NHS: variants seen among roughly 807,000 people sequenced by gnomAD.
NHS encodes actin remodeling regulator NHS.
Under a neutral mutation model 72.5 loss-of-function variants are expected in NHS, and 5 were observed. The ratio of observed to expected loss-of-function variants is 0.07; its 90% CI spans 0.04 to 0.14. The LOEUF is 0.14. NHS is among the 10% of genes least tolerant of loss of function. The probability of loss-of-function intolerance (pLI) is 1.00; values close to 1 mark genes in which losing one functional copy is unlikely to be tolerated. For missense variants in NHS, 1,072 were observed against 1,355.7 expected, an observed-to-expected ratio of 0.79 and a Z score of 3.29; for synonymous variants, 464 against 547.7, an observed-to-expected ratio of 0.85 and a Z score of 2.13.
chrX:17,696,422 T>C (rs776781764), intron 3 of NHS, among the ~76,000 whole-genome samples: 2 of 112,096 alleles, frequency 1.8e-5, no homozygotes, highest in Non-Finnish European at 3.8e-5. Flanking sequence ...CTGGGTAATT[T>C]TTCTACCTTG....
intron 1 of NHS, among the ~76,000 whole-genome samples, chrX:17,641,805 T>G (rs2065882497): frequency 9.1e-6 from 1 of 109,500 alleles, no homozygotes; most frequent in Admixed American, 9.6e-5. Flanking sequence ...TCAAAATGAT[T>G]GGAGAAAGAA....
intron 1 of NHS, among the ~76,000 whole-genome samples, chrX:17,444,287 C>A (rs1156641966): frequency 8.9e-6 from 1 of 111,821 alleles, no homozygotes; most frequent in African/African-American, 3.3e-5. Context: ...GTGGTCCATA[C>A]CCTTACTAGG....
intron 1 of NHS, among the ~76,000 whole-genome samples, chrX:17,405,172 G>T (rs2064523644): frequency 8.9e-6 from 1 of 112,088 alleles, no homozygotes; most frequent in African/African-American, 3.2e-5. Flanking sequence ...GATGGAAGAA[G>T]AGGGAATGGA....
intron 1 of NHS, among the ~76,000 whole-genome samples, chrX:17,517,529 C>T (rs1351822885): frequency 8.9e-6 from 1 of 112,023 alleles, no homozygotes; most frequent in Non-Finnish European, 1.9e-5. Context: ...CATTGTGTGC[C>T]TCCTATTCCT....
At chrX:17,546,346 G>A (rs780583004) in intron 1 of NHS, among the ~76,000 whole-genome samples, 1 of 112,379 alleles carries the variant, frequency 8.9e-6, no homozygotes, top group East Asian at 2.8e-4. Flanking sequence ...GAAATGAGGT[G>A]TGCAGAGTCC....
At chrX:17,661,765 G>A (rs2065983702) in intron 1 of NHS, among the ~76,000 whole-genome samples, 2 of 112,131 alleles carry the variant, frequency 1.8e-5, no homozygotes, top group East Asian at 2.8e-4. Flanking sequence ...GCTAGGCGCG[G>A]TGGCTGACAG....
intron 1 of NHS, among the ~76,000 whole-genome samples, chrX:17,613,866 T>C (rs759289311): frequency 8.6e-4 from 96 of 112,249 alleles, no homozygotes; most frequent in African/African-American, 2.9e-3. Context: ...GTGGTTCTAT[T>C]GAGGATGACA....
chrX:17,557,235 T>G (rs2065382469), intron 1 of NHS: 2 of 102,179 alleles, frequency 2.0e-5, no homozygotes, highest in South Asian at 1.0e-3. Flanking sequence ...TCAAATACCC[T>G]CCAAGAGCCA....
intron 1 of NHS, among the ~76,000 whole-genome samples, chrX:17,433,292 G>A (rs1262963971): frequency 3.0e-5 from 3 of 99,769 alleles, no homozygotes; most frequent in Non-Finnish European, 4.0e-5. Context: ...ATTGTGATCT[G>A]CCCACCTCGG....
chrX:17,681,436 C>G (rs2066128192), intron 1 of NHS, among the ~76,000 whole-genome samples: 1 of 111,797 alleles, frequency 8.9e-6, no homozygotes, highest in African/African-American at 3.3e-5. Context: ...ATCCATCTTT[C>G]CATCCAAGAG....
At chrX:17,710,335 A>T (rs2066322569) in intron 3 of NHS, among the ~76,000 whole-genome samples, 1 of 112,763 alleles carries the variant, frequency 8.9e-6, no homozygotes. Context: ...AACTGTCAAT[A>T]AAAGTACTTG....
At chrX:17,600,927 T>G (rs2065646719) in intron 1 of NHS, among the ~76,000 whole-genome samples, 1 of 111,911 alleles carries the variant, frequency 8.9e-6, no homozygotes, top group African/African-American at 3.3e-5. Context: ...GCCAGTCATA[T>G]AATAATAAAT....
At chrX:17,648,514 C>G (rs988894142) in intron 1 of NHS, among the ~76,000 whole-genome samples, 1 of 112,580 alleles carries the variant, frequency 8.9e-6, no homozygotes. Context: ...CTGGGAAGAG[C>G]TGAAAAGCAC....
intron 1 of NHS, among the ~76,000 whole-genome samples, chrX:17,409,663 G>A (rs759475684): frequency 9.0e-5 from 10 of 111,731 alleles, no homozygotes; most frequent in African/African-American, 2.9e-4. Flanking sequence ...ATTCTGACAC[G>A]TGTCACAAAG....
At chrX:17,608,685 T>G (rs6654020) in intron 1 of NHS, among the ~76,000 whole-genome samples, 14,681 of 109,343 alleles carry the variant, frequency 0.13, 2,188 homozygotes, top group African/African-American at 0.44. Context: ...TTTTTTTTTT[T>G]GGGGGGATAT....
intron 1 of NHS, among the ~76,000 whole-genome samples, chrX:17,545,632 T>C (rs941574433): frequency 1.8e-5 from 2 of 111,862 alleles, no homozygotes; most frequent in African/African-American, 6.5e-5. Context: ...ATTTTTGGAG[T>C]GTCTGCTGTC....
intron 3 of NHS, among the ~76,000 whole-genome samples, chrX:17,695,950 G>C (rs867902062): frequency 9.3e-6 from 1 of 107,641 alleles, no homozygotes; most frequent in Non-Finnish European, 1.9e-5. Flanking sequence ...AAAGGGGGGG[G>C]GTATCTATTC....
intron 1 of NHS, among the ~76,000 whole-genome samples, chrX:17,642,475 G>T (rs982409983): frequency 9.0e-6 from 1 of 111,677 alleles, no homozygotes; most frequent in African/African-American, 3.3e-5. Context: ...ATTACCACAG[G>T]TAATTAAACC....
At chrX:17,719,845 C>T (rs988725976) in intron 4 of NHS, among the ~76,000 whole-genome samples, 8 of 111,658 alleles carry the variant, frequency 7.2e-5, no homozygotes, top group Admixed American at 3.8e-4. Context: ...ACTATCCTGT[C>T]GACACTTTGC....
Sources: gnomAD v4.1 joint callset for allele counts (sites outside exome capture counted in the v4.1 genomes callset) on GRCh38, gnomAD v4.1.1 for gene constraint, MANE v1.5 for transcripts, NCBI Gene and HGNC (gene_info 2026-07-23, HGNC 2026-07-21) for gene names.